The following NME7 variants were observed in gnomAD, a reference collection of about 807,000 sequenced individuals.
NME7 encodes the protein nucleoside diphosphate kinase 7.
NME7 carries 41 observed loss-of-function variants against 49.1 expected under a neutral mutation model. The observed-to-expected ratio is 0.83, with a 90% CI of 0.65 to 1.08. The LOEUF (loss-of-function observed/expected upper bound fraction) is 1.08. Among genes scored for constraint, NME7 ranks in the 50% least tolerant of loss-of-function variants. NME7 has a pLI of 0.00. For missense variants in NME7, 423 were observed against 463.4 expected (o/e 0.91, Z 0.80); for synonymous variants, 139 against 150.6 (o/e 0.92, Z 0.56).
chr1:169,235,646 G>C (rs1647830671), intron 8 of NME7, among the ~76,000 whole-genome samples: 1 of 152,040 alleles, frequency 6.6e-6, no homozygotes, highest in African/African-American at 2.4e-5. Flanking sequence ...TTATACTATT[G>C]ATAGATTAGT....
intron 1 of NME7, among the ~76,000 whole-genome samples, chr1:169,351,118 T>C (rs2101975606): frequency 6.6e-6 from 1 of 152,064 alleles, no homozygotes; most frequent in African/African-American, 2.4e-5. Flanking sequence ...TGGAATAAAA[T>C]TCTCAAAAAC....
At chr1:169,246,686 C>T (rs906601357) in intron 7 of NME7, among the ~76,000 whole-genome samples, 1 of 152,008 alleles carries the variant, frequency 6.6e-6, no homozygotes, top group Admixed American at 6.6e-5. Context: ...TTAAGTGATT[C>T]AACTACCTCA....
intron 1 of NME7, among the ~76,000 whole-genome samples, chr1:169,333,035 T>A (rs1652317771): frequency 1.3e-5 from 2 of 152,166 alleles, no homozygotes; most frequent in African/African-American, 4.8e-5. Context: ...CTGTTTACAA[T>A]AGCTAAGATT....
At position 169,276,766 on chromosome 1, in the gene NME7, T is replaced by G. The variant is rs551925125; in HGVS notation, c.754+10537A>C. Among the ~76,000 whole-genome samples the G allele has an allele frequency of 3.0e-5, 4 of 134,538 alleles. 1 individual carries two copies. The highest frequency in any genetic ancestry group is 1.0e-4 in the African/African-American group (4 of 39,828). 88.3% of individuals were successfully genotyped at this position (134,538 alleles called of 152,430 possible). On this transcript the variant is annotated intron_variant, in intron 7 of 11. Coordinates refer to ENST00000367811, the MANE Select transcript of NME7 (RefSeq NM_013330.5). ...GTTTGCTCTTGCTTTTCTAGTTCTT[T>G]TAATTGTGATGTTAGGGTGTCAATT... is the stretch of plus-strand genomic sequence containing the variant.
chr1:169,324,907 T>TCATATAA (rs1199211522), intron 1 of NME7, among the ~76,000 whole-genome samples: 2 of 152,230 alleles, frequency 1.3e-5, no homozygotes, highest in African/African-American at 4.8e-5. Flanking sequence ...TATATGAAGT[T>TCATATAA]TTGACTTCCC....
intron 6 of NME7, among the ~76,000 whole-genome samples, chr1:169,289,837 G>T (rs1051716297): frequency 2.6e-5 from 4 of 152,004 alleles, no homozygotes. Flanking sequence ...CTTTTACTAG[G>T]TCATTGTTAT....
chr1:169,201,289 G>A (rs1660543799), intron 10 of NME7, among the ~76,000 whole-genome samples: 2 of 151,972 alleles, frequency 1.3e-5, no homozygotes, highest in African/African-American at 4.8e-5. Context: ...GACAGAAAGG[G>A]GCAAGACCAT....
intron 3 of NME7, among the ~76,000 whole-genome samples, chr1:169,319,862 G>C (rs1278884395): frequency 6.6e-6 from 1 of 152,178 alleles, no homozygotes; most frequent in Non-Finnish European, 1.5e-5. Flanking sequence ...CAAAAGGAAT[G>C]AGGATTGCTC....
chr1:169,239,019 AATTT>A (rs1647976336), intron 7 of NME7, among the ~76,000 whole-genome samples: 2 of 152,192 alleles, frequency 1.3e-5, no homozygotes, highest in African/African-American at 4.8e-5. Context: ...AAATTAAAAT[AATTT>A]ATGTCAACAC....
chr1:169,184,559 A>T (rs1423339688), intron 10 of NME7, among the ~76,000 whole-genome samples: 1 of 152,170 alleles, frequency 6.6e-6, no homozygotes, highest in East Asian at 1.9e-4. Context: ...CAGGCTACAT[A>T]ATATAGGGCT....
At chr1:169,323,835 C>CT (rs33970981) in intron 2 of NME7, among the ~76,000 whole-genome samples, 1,739 of 84,300 alleles carry the variant, frequency 0.021, 140 homozygotes, top group South Asian at 0.035. Context: ...CCATTTCAGT[C>CT]TTTTTTTTTT....
chr1:169,213,878 G>A (rs1660902637), intron 10 of NME7, among the ~76,000 whole-genome samples: 1 of 151,798 alleles, frequency 6.6e-6, no homozygotes, highest in African/African-American at 2.4e-5. Context: ...CAGGGTGTAA[G>A]CTTGTTAAGC....
Position 169,264,406 on chromosome 1 carries a change from C to A in NME7, c.754+22897G>T, listed in dbSNP as rs1209764786. Among the ~76,000 whole-genome samples the A allele has an allele frequency of 2.2e-5, 3 of 133,858 alleles. 1 individual carries two copies. Among genetic ancestry groups the A allele is most frequent in the Non-Finnish European group, 5.3e-5 (3 of 56,880 alleles). 87.8% of individuals were successfully genotyped at this position (133,858 alleles called of 152,430 possible). On this transcript the variant is annotated intron_variant, in intron 7 of 11. Transcript: ENST00000367811. ...CAAAACAGAAATAGAGACAAATCTA[C>A]CAAACAAACGGAAAACAGAAAAAAG... is the stretch of plus-strand genomic sequence containing the variant.
rs1482470373 is a variant in NME7 at position 169,323,116 on chromosome 1, C to A, written c.278+1G>T. 6.5e-7 allele frequency: 1 copy of A among 1,545,756 alleles called. No individual in the cohort carries two copies. Among genetic ancestry groups the A allele is most frequent in the Non-Finnish European group, 8.7e-7 (1 of 1,151,642 alleles). ...AAAAGATTATATAATTGTTTTCTTACTTTTCTTTCCTACTGCCCAGCTGGC... is the reference window on the plus strand; with the variant it reads ...AAAAGATTATATAATTGTTTTCTTAATTTTCTTTCCTACTGCCCAGCTGGC... On this transcript the variant is annotated splice_donor_variant, in intron 3 of 11. Coordinates refer to ENST00000367811, the MANE Select transcript of NME7 (RefSeq NM_013330.5). LOFTEE classifies it high-confidence loss of function.
chr1:169,156,087 G>A (rs1171886851), intron 11 of NME7, among the ~76,000 whole-genome samples: 5 of 149,026 alleles, frequency 3.4e-5, no homozygotes, highest in Non-Finnish European at 7.4e-5. Flanking sequence ...AGAGACCAAG[G>A]TGGGACGATT....
intron 1 of NME7, among the ~76,000 whole-genome samples, chr1:169,345,661 G>A (rs1216475257): frequency 6.6e-6 from 1 of 152,000 alleles, no homozygotes; most frequent in East Asian, 1.9e-4. Context: ...TTGGTCTTTG[G>A]ACCCTTAATC....
chr1:169,175,787 T>A (rs970185757), intron 10 of NME7, among the ~76,000 whole-genome samples: 3 of 152,128 alleles, frequency 2.0e-5, no homozygotes, highest in African/African-American at 7.2e-5. Context: ...GTGATATACA[T>A]ATATGGATAA....
At chr1:169,234,873 A>C (rs1031432977) in intron 9 of NME7, among the ~76,000 whole-genome samples, 9 of 152,274 alleles carry the variant, frequency 5.9e-5, no homozygotes, top group African/African-American at 2.2e-4. Flanking sequence ...TTTTTGTTGT[A>C]TGGATGAAAG....
intron 10 of NME7, among the ~76,000 whole-genome samples, chr1:169,228,765 G>T (rs1034921070): frequency 3.9e-4 from 59 of 151,446 alleles, no homozygotes; most frequent in African/African-American, 1.4e-3. Context: ...GTTAAAAATG[G>T]CAAAAACTGT....
Sources: gnomAD v4.1 joint callset for allele counts (sites outside exome capture counted in the v4.1 genomes callset) on GRCh38, gnomAD v4.1.1 for gene constraint, MANE v1.5 for transcripts, NCBI Gene and HGNC (gene_info 2026-07-23, HGNC 2026-07-21) for gene names.